GRB10: variants seen among roughly 807,000 people sequenced by gnomAD.
GRB10 encodes growth factor receptor bound protein 10, also known as growth factor receptor-bound protein 10.
Under a neutral mutation model 80.9 loss-of-function variants are expected in GRB10, and 20 were observed. That is an observed-to-expected ratio of 0.25 (90% CI 0.17 to 0.36). GRB10 has a LOEUF of 0.36. Ranked by LOEUF, GRB10 falls within the 10% of genes least tolerant of loss-of-function variation. The pLI is 1.00. For synonymous variants in GRB10, 291 were observed against 291.5 expected, an observed-to-expected ratio of 1.00 and a Z score of 0.02; for missense variants, 548 against 747.7, an observed-to-expected ratio of 0.73 and a Z score of 3.12.
At chr7:50,601,226 T>C (rs576588457) in intron 17 of GRB10, among the ~76,000 whole-genome samples, 6 of 152,338 alleles carry the variant, frequency 3.9e-5, no homozygotes, top group African/African-American at 1.4e-4. Context: ...AAACAAACAC[T>C]AATAAAAGCT....
intron 7 of GRB10, among the ~76,000 whole-genome samples, chr7:50,642,404 T>C (rs2056420713): frequency 6.6e-6 from 1 of 152,088 alleles, no homozygotes; most frequent in Non-Finnish European, 1.5e-5. Context: ...CACGTACACA[T>C]ATACATGCAA....
intron 4 of GRB10, among the ~76,000 whole-genome samples, chr7:50,709,886 T>C (rs1239563048): frequency 6.6e-6 from 1 of 152,098 alleles, no homozygotes; most frequent in Non-Finnish European, 1.5e-5. Flanking sequence ...TGTCTATGTG[T>C]GAACTGCCCT....
At chr7:50,707,439 G>A (rs543750841) in intron 4 of GRB10, among the ~76,000 whole-genome samples, 4 of 152,282 alleles carry the variant, frequency 2.6e-5, no homozygotes, top group South Asian at 2.1e-4. Context: ...CTCCCGGGCC[G>A]GCAATCCTAC....
At chr7:50,777,336 T>C (rs2077769594) in intron 2 of GRB10, among the ~76,000 whole-genome samples, 1 of 151,486 alleles carries the variant, frequency 6.6e-6, no homozygotes, top group Non-Finnish European at 1.5e-5. Context: ...CTTAAACACC[T>C]CCTAAAGGCC....
intron 7 of GRB10, among the ~76,000 whole-genome samples, chr7:50,647,922 T>C (rs1035946849): frequency 4.6e-5 from 7 of 152,136 alleles, no homozygotes; most frequent in Admixed American, 1.3e-4. Context: ...GATGGGAATT[T>C]GGAGGTATCA....
intron 3 of GRB10, among the ~76,000 whole-genome samples, chr7:50,737,979 AAAG>A (rs1008009382): frequency 1.3e-5 from 2 of 152,242 alleles, no homozygotes; most frequent in African/African-American, 2.4e-5. Flanking sequence ...ACTTTTCTCC[AAAG>A]AAGATATACG....
chr7:50,691,861 G>A (rs911185955), intron 5 of GRB10, among the ~76,000 whole-genome samples: 4 of 152,142 alleles, frequency 2.6e-5, no homozygotes, highest in Non-Finnish European at 5.9e-5. Flanking sequence ...TGCAACCGGA[G>A]ACCAACATTC....
chr7:50,668,492 A>G (rs1008789303), intron 7 of GRB10, among the ~76,000 whole-genome samples: 26 of 152,362 alleles, frequency 1.7e-4, no homozygotes, highest in African/African-American at 6.0e-4. Flanking sequence ...ATCAGGTCTC[A>G]GCCACACTCA....
At chr7:50,619,911 C>G (rs571408182) in intron 8 of GRB10, among the ~76,000 whole-genome samples, 2 of 151,718 alleles carry the variant, frequency 1.3e-5, no homozygotes, top group Non-Finnish European at 3.0e-5. Flanking sequence ...CCTCCAGCAC[C>G]CGCTGTGGAC....
At chr7:50,675,567 C>T (rs1300704083) in intron 5 of GRB10, among the ~76,000 whole-genome samples, 1 of 152,188 alleles carries the variant, frequency 6.6e-6, no homozygotes, top group Non-Finnish European at 1.5e-5. Flanking sequence ...ACCTGAAGAC[C>T]TGAATAGAAG....
At chr7:50,593,242 G>A (rs747359340) in intron 18 of GRB10, 144 bp from the exon 19 acceptor site, 319 of 925,624 alleles carry the variant, frequency 3.4e-4, no homozygotes, top group Non-Finnish European at 4.8e-4. Flanking sequence ...AAACACCAGG[G>A]GCGGGAAAGA....
intron 3 of GRB10, among the ~76,000 whole-genome samples, chr7:50,748,438 G>C (rs1027302058): frequency 6.6e-6 from 1 of 152,210 alleles, no homozygotes; most frequent in African/African-American, 2.4e-5. Context: ...TGGAAATTAG[G>C]AGTGGAGAAA....
chr7:50,651,282 C>T (rs2057976192), intron 7 of GRB10, among the ~76,000 whole-genome samples: 2 of 152,178 alleles, frequency 1.3e-5, no homozygotes, highest in Admixed American at 6.5e-5. Context: ...GATCAAGATG[C>T]GAGCAGGTCT....
intron 2 of GRB10, among the ~76,000 whole-genome samples, chr7:50,775,109 C>G (rs1184999400): frequency 7.8e-6 from 1 of 128,336 alleles, no homozygotes; most frequent in South Asian, 2.6e-4. Flanking sequence ...TGCAGTGAGC[C>G]GAGATCACAC....
intron 6 of GRB10, among the ~76,000 whole-genome samples, chr7:50,672,628 C>T (rs1422206187): frequency 1.3e-5 from 2 of 152,160 alleles, no homozygotes; most frequent in Non-Finnish European, 2.9e-5. Flanking sequence ...AGGGACTTAG[C>T]GCAGGTAGTC....
intron 2 of GRB10, among the ~76,000 whole-genome samples, chr7:50,767,331 G>A (rs1487171480): frequency 2.6e-5 from 4 of 152,150 alleles, no homozygotes; most frequent in Non-Finnish European, 5.9e-5. Context: ...TATAGGGCAG[G>A]CAGGTGCAGG....
intron 3 of GRB10, among the ~76,000 whole-genome samples, chr7:50,738,837 C>A (rs2329424): frequency 0.79 from 120,707 of 152,170 alleles, 48,004 homozygotes; most frequent in Middle Eastern, 0.87. Flanking sequence ...GTATCAATAT[C>A]TGTTGTCTTT....
intron 4 of GRB10, among the ~76,000 whole-genome samples, chr7:50,718,649 T>G (rs1223521092): frequency 6.6e-6 from 1 of 152,096 alleles, no homozygotes; most frequent in Non-Finnish European, 1.5e-5. Flanking sequence ...CTAACTTTAC[T>G]CCAAAGTAAT....
Position 50,714,650 on chromosome 7 carries a change from G to A in GRB10, c.52-10742C>T, listed in dbSNP as rs1292289665. ...TGCACTCCAGCCTGGGCTACATAGCGAGACTCTGTCTCAAAAAAAAAAACA... is the reference window on the plus strand; with the variant it reads ...TGCACTCCAGCCTGGGCTACATAGCAAGACTCTGTCTCAAAAAAAAAAACA... On this transcript the variant is annotated intron_variant, in intron 4 of 18. Coordinates refer to ENST00000401949, the MANE Select transcript of GRB10 (RefSeq NM_001350814.2). Among the ~76,000 whole-genome samples the A allele has an allele frequency of 4.4e-5, 6 of 137,160 alleles. No individual in the cohort carries two copies. The South Asian group carries it at 9.8e-4, about 22-fold the overall frequency. 90.0% of individuals were successfully genotyped at this position (137,160 alleles called of 152,430 possible).
Sources: gnomAD v4.1 joint callset for allele counts (sites outside exome capture counted in the v4.1 genomes callset) on GRCh38, gnomAD v4.1.1 for gene constraint, MANE v1.5 for transcripts, NCBI Gene and HGNC (gene_info 2026-07-23, HGNC 2026-07-21) for gene names.